The following LYZL2 variants were observed in gnomAD, a reference collection of about 807,000 sequenced individuals.
The protein encoded by LYZL2 is lysozyme like 2, also known as lysozyme-like protein 2.
Under a neutral mutation model 17.1 loss-of-function variants are expected in LYZL2, and 13 were observed. The ratio of observed to expected loss-of-function variants is 0.76; its 90% CI spans 0.49 to 1.21. The LOEUF (loss-of-function observed/expected upper bound fraction) is 1.21, where lower values mean the gene tolerates loss of function less well. Among genes scored for constraint, LYZL2 ranks in the 50% most tolerant of loss-of-function variants. The probability of loss-of-function intolerance (pLI) is 0.00; values close to 1 mark genes in which losing one functional copy is unlikely to be tolerated. For synonymous variants in LYZL2, 63 were observed against 74.4 expected, an observed-to-expected ratio of 0.85 and a Z score of 0.79; for missense variants, 166 against 189.2, an observed-to-expected ratio of 0.88 and a Z score of 0.72.
intron 3 of LYZL2, among the ~76,000 whole-genome samples, chr10:30,620,445 G>T (rs1259657241): frequency 6.6e-6 from 1 of 152,164 alleles, no homozygotes; most frequent in African/African-American, 2.4e-5. Flanking sequence ...TGTCTATTCT[G>T]CACCTAACTT....
rs551361607 is a variant in LYZL2, at chr10:30,626,104, C to A, written c.298+1G>T. ...GCATCACTGGAAAGTCAGAGCCTCA[C>A]CTGAGCAGGCGACGTGGCAGTGGTT... is the stretch of plus-strand genomic sequence containing the variant. On this transcript the variant is annotated splice_donor_variant, in intron 3 of 4. Transcript: ENST00000647634. LOFTEE classifies it high-confidence loss of function. 6.2e-7 allele frequency: 1 copy of A among 1,613,334 alleles called. No individual in the cohort carries two copies. Among genetic ancestry groups the A allele is most frequent in the South Asian group, 1.1e-5 (1 of 90,980 alleles).
chr10:30,610,747 TTTA>T (rs1838421671), downstream of LYZL2, among the ~76,000 whole-genome samples: 1 of 152,022 alleles, frequency 6.6e-6, no homozygotes, highest in African/African-American at 2.4e-5. Flanking sequence ...GTCTTATTTA[TTTA>T]TTTTTTTTTC....
In LYZL2 at chr10:30,618,035, A is replaced by T. The variant is rs536672804; in HGVS notation, c.299-5135T>A. Among the ~76,000 whole-genome samples, 158 of 151,802 alleles carry T rather than the reference A, an allele frequency of 1.0e-3. 2 individuals are homozygous for T. Among genetic ancestry groups the T allele is most frequent in the African/African-American group, 3.7e-3 (152 of 41,378 alleles). Reference sequence around the variant, plus strand: ...AAGCATTCTTATACACCAATAACAGACAAACAGAGAGCCAAATCATGAGTG... The same window carrying T: ...AAGCATTCTTATACACCAATAACAGTCAAACAGAGAGCCAAATCATGAGTG... On this transcript the variant is annotated intron_variant, in intron 3 of 4. Coordinates refer to ENST00000647634, the MANE Select transcript of LYZL2 (RefSeq NM_183058.3).
At chr10:30,624,619 TA>T (rs1218393475) in intron 3 of LYZL2, among the ~76,000 whole-genome samples, 1 of 152,154 alleles carries the variant, frequency 6.6e-6, no homozygotes, top group African/African-American at 2.4e-5. Flanking sequence ...ATACAGGAGG[TA>T]AAAAATGTAA....
rs1293349735 is a variant in LYZL2, at chr10:30,620,432, T to C, written c.298+5673A>G. On this transcript the variant is annotated intron_variant, in intron 3 of 4. Transcript: ENST00000647634. ...CTTGATATCTTCCTCTCTCAGGGTG[T>C]ACTGTCTATTCTGCACCTAACTTTC... 2.0e-5 allele frequency among the ~76,000 whole-genome samples: 3 copies of C among 152,242 alleles called. No individual in the cohort carries two copies. In the East Asian group the frequency reaches 5.8e-4, roughly 29 times the overall value.
Position 30,626,781 on chromosome 10 carries a change from T to C in LYZL2, c.135A>G (p.Gly45=). Residue 45 remains glycine, a synonymous_variant, in exon 2 of 5, where the codon GGA becomes GGG. Transcript: ENST00000647634. Reference sequence around the variant, plus strand: ...GCAGGAAAGAAATAATCTCACAGTTTCCAAGGCTGAAGCCCCAGTAATTGT... The same window carrying C: ...GCAGGAAAGAAATAATCTCACAGTTCCCAAGGCTGAAGCCCCAGTAATTGT... ...GLDNYWGFSL[G]NWICMAYYES... 6.2e-7 allele frequency: 1 copy of C among 1,614,244 alleles called. No individual in the cohort carries two copies. Among genetic ancestry groups the C allele is most frequent in the Non-Finnish European group, 8.5e-7 (1 of 1,180,050 alleles).
At chr10:30,611,530 A>AAG (rs1554784951), downstream of LYZL2, among the ~76,000 whole-genome samples, 6 of 80,388 alleles carry the variant, frequency 7.5e-5, no homozygotes, top group Admixed American at 2.9e-4. Flanking sequence ...GGAAAAAGAA[A>AAG]GAAGGAAGGA....
At chr10:30,618,844 A>G (rs1838575604) in intron 3 of LYZL2, among the ~76,000 whole-genome samples, 1 of 152,258 alleles carries the variant, frequency 6.6e-6, no homozygotes, top group African/African-American at 2.4e-5. Context: ...ATTAAACTAA[A>G]GAGCTTCTGC....
chr10:30,608,942 C>T (rs1012335292), downstream of LYZL2, among the ~76,000 whole-genome samples: 6 of 152,056 alleles, frequency 3.9e-5, no homozygotes, highest in South Asian at 2.1e-4. Context: ...TGGGCTCAAG[C>T]GACCCTCCCA....
chr10:30,625,132 G>A (rs1369397613), intron 3 of LYZL2, among the ~76,000 whole-genome samples: 2 of 152,190 alleles, frequency 1.3e-5, no homozygotes, highest in Admixed American at 1.3e-4. Context: ...AAACAGGCCT[G>A]TGAGCACCTT....
chr10:30,617,352 G>T (rs1030260869), intron 3 of LYZL2, among the ~76,000 whole-genome samples: 2 of 152,138 alleles, frequency 1.3e-5, no homozygotes, highest in African/African-American at 4.8e-5. Context: ...TGTTTTGAAA[G>T]TACTCATTGG....
At chr10:30,608,893 G>A (rs1002595643), downstream of LYZL2, among the ~76,000 whole-genome samples, 1 of 152,096 alleles carries the variant, frequency 6.6e-6, no homozygotes, top group African/African-American at 2.4e-5. Flanking sequence ...AGGCTGGAGT[G>A]CAGTGGCTCG....
At chr10:30,613,284 G>T (rs1401051455) in intron 3 of LYZL2, among the ~76,000 whole-genome samples, 1 of 152,096 alleles carries the variant, frequency 6.6e-6, no homozygotes, top group Non-Finnish European at 1.5e-5. Context: ...ATCACTTGAG[G>T]CCAGGAGTTT....
At chr10:30,622,519 A>G (rs902584154) in intron 3 of LYZL2, among the ~76,000 whole-genome samples, 23 of 152,250 alleles carry the variant, frequency 1.5e-4, no homozygotes, top group African/African-American at 5.5e-4. Flanking sequence ...ACTGTACTCC[A>G]GCCTGGGCGA....
intron 3 of LYZL2, 70 bp downstream of exon 3, chr10:30,626,035 G>C (rs1480669612): frequency 1.3e-6 from 2 of 1,562,970 alleles, no homozygotes; most frequent in Non-Finnish European, 1.7e-6. Flanking sequence ...GCAAGACATG[G>C]TTGGTGATCC....
rs576638503 is a variant in LYZL2 at position 30,617,634 on chromosome 10, C to G, written c.299-4734G>C. On this transcript the variant is annotated intron_variant, in intron 3 of 4. Transcript: ENST00000647634. Reference sequence around the variant, plus strand: ...AGGTTGCAGTGAGCCGAGATCGTGCCACTGCACTTCAGCCTGGGTGACAGA... The same window carrying G: ...AGGTTGCAGTGAGCCGAGATCGTGCGACTGCACTTCAGCCTGGGTGACAGA... 9.2e-3 allele frequency among the ~76,000 whole-genome samples: 1,130 copies of G among 122,760 alleles called. 7 individuals are homozygous for G. Among genetic ancestry groups the G allele is most frequent in the Middle Eastern group, 0.027 (4 of 146 alleles). The allele number at this position is 122,760 out of a possible 152,430, so 80.5% of individuals were successfully genotyped here. A position where few individuals can be genotyped will look rare whatever the true frequency, so the allele number is the denominator to read the frequency against.
chr10:30,612,045 A>G (rs759527568), intron 4 of LYZL2, 21 bp from the exon 5 acceptor site: 63 of 1,612,722 alleles, frequency 3.9e-5, no homozygotes, highest in Middle Eastern at 3.3e-4. Flanking sequence ...GAGGGAAGCA[A>G]GAGCAGCAGA....
intron 3 of LYZL2, among the ~76,000 whole-genome samples, chr10:30,625,452 A>G (rs570733052): frequency 1.3e-5 from 2 of 152,270 alleles, no homozygotes; most frequent in East Asian, 3.9e-4. Flanking sequence ...GAAGTCAGAC[A>G]GTCACCTTAG....
chr10:30,629,447 G>T, intron 1 of LYZL2, 146 bp downstream of exon 1: 2 of 708,640 alleles, frequency 2.8e-6, no homozygotes, highest in Non-Finnish European at 4.4e-6. Flanking sequence ...TCCATCCTCT[G>T]CCTTAGAATG....
Sources: allele counts gnomAD v4.1 joint callset (sites outside exome capture counted in the v4.1 genomes callset), GRCh38; gene constraint gnomAD v4.1.1; transcripts MANE v1.5; gene names NCBI Gene and HGNC (gene_info 2026-07-23, HGNC 2026-07-21).